RNF38: variants seen among roughly 807,000 people sequenced by gnomAD.
RNF38 encodes ring finger protein 38, also known as E3 ubiquitin-protein ligase RNF38.
In RNF38, 15 loss-of-function variants were observed where a neutral mutation model predicts 67.2. That is an observed-to-expected ratio of 0.22 (90% CI 0.15 to 0.34). The LOEUF is 0.34. RNF38 is among the 10% of genes least tolerant of loss of function. The pLI is 1.00. For missense variants in RNF38, 524 were observed against 639.9 expected (o/e 0.82, Z 1.95); for synonymous variants, 220 against 218.8 (o/e 1.01, Z -0.05).
intron 1 of RNF38, among the ~76,000 whole-genome samples, chr9:36,466,353 C>T (rs944795062): frequency 6.6e-6 from 1 of 152,158 alleles, no homozygotes; most frequent in Admixed American, 6.5e-5. Context: ...ACTGTGAATA[C>T]ACCAAAACCC....
intron 2 of RNF38, among the ~76,000 whole-genome samples, chr9:36,409,492 T>C (rs1320890708): frequency 6.6e-6 from 1 of 152,188 alleles, no homozygotes; most frequent in Non-Finnish European, 1.5e-5. Context: ...AACATTCGAA[T>C]GCTGCAGACC....
At chr9:36,400,500 G>A, upstream of RNF38, 6 of 1,000,398 alleles carry the variant, frequency 6.0e-6, no homozygotes, top group Non-Finnish European at 7.1e-6. Context: ...GCTCTCAACG[G>A]CCCGCAGCCC....
Position 36,338,774 on chromosome 9 carries a change from G to C in RNF38, c.*978C>G, listed in dbSNP as rs1020072081. 6.6e-6 allele frequency: 1 copy of C among 152,138 alleles called. No homozygotes were observed. Among genetic ancestry groups the C allele is most frequent in the African/African-American group, 2.4e-5 (1 of 41,260 alleles). 9.4% of individuals were successfully genotyped at this position (152,138 alleles called of 1,614,324 possible). ...AATCTAAACATTAAAAAAAATCACA[G>C]GTACTTTCTGTAAGAAACTTACTGG... On this transcript the variant is annotated 3_prime_UTR_variant, in exon 12 of 12. Coordinates refer to ENST00000259605, the MANE Select transcript of RNF38 (RefSeq NM_022781.5).
At chr9:36,419,905 T>TA (rs1838574788) in intron 2 of RNF38, among the ~76,000 whole-genome samples, 1 of 151,960 alleles carries the variant, frequency 6.6e-6, no homozygotes, top group South Asian at 2.1e-4. Flanking sequence ...GAATAACAAA[T>TA]AGTCATGAAT....
intron 1 of RNF38, among the ~76,000 whole-genome samples, chr9:36,434,853 T>C (rs1839025560): frequency 6.6e-6 from 1 of 152,226 alleles, no homozygotes; most frequent in Non-Finnish European, 1.5e-5. Flanking sequence ...GCCTTATACA[T>C]TATATCCCAA....
intron 4 of RNF38, among the ~76,000 whole-genome samples, chr9:36,364,404 T>C (rs1834794482): frequency 6.6e-6 from 1 of 152,196 alleles, no homozygotes; most frequent in South Asian, 2.1e-4. Context: ...ATTATATGTG[T>C]ATTTTCAACA....
intron 4 of RNF38, among the ~76,000 whole-genome samples, chr9:36,366,473 A>T (rs1204743448): frequency 1.3e-5 from 2 of 151,718 alleles, no homozygotes; most frequent in South Asian, 4.2e-4. Flanking sequence ...TTCTGGTATT[A>T]AAAAAAATAC....
rs550720801 is a variant in RNF38, at chr9:36,338,892, T to C, written c.*860A>G. On this transcript the variant is annotated 3_prime_UTR_variant, in exon 12 of 12. Coordinates refer to ENST00000259605, the MANE Select transcript of RNF38 (RefSeq NM_022781.5). ...GATATATGATATTGCACCTTCTTTT[T>C]GGAAACAGCAAGTTGGAGATTTAAA... 4.6e-5 allele frequency: 7 copies of C among 152,766 alleles called. No homozygotes were observed. The highest frequency in any genetic ancestry group is 1.0e-4 in the Non-Finnish European group (7 of 68,044). The allele number at this position is 152,766 out of a possible 1,614,324, so 9.5% of individuals were successfully genotyped here.
intron 1 of RNF38, among the ~76,000 whole-genome samples, chr9:36,458,467 T>C (rs1208632634): frequency 2.0e-5 from 3 of 152,198 alleles, no homozygotes; most frequent in Non-Finnish European, 4.4e-5. Context: ...GGGTCTGCAC[T>C]ACCTTTATGA....
chr9:36,399,124 T>A (rs1361956582), intron 1 of RNF38, among the ~76,000 whole-genome samples: 4 of 152,220 alleles, frequency 2.6e-5, no homozygotes, highest in Non-Finnish European at 5.9e-5. Context: ...TTAGGTTATT[T>A]TAGTAGAGAA....
At chr9:36,431,299 A>G (rs907205587) in intron 1 of RNF38, among the ~76,000 whole-genome samples, 2 of 152,240 alleles carry the variant, frequency 1.3e-5, no homozygotes, top group African/African-American at 4.8e-5. Flanking sequence ...CTTAGACAAC[A>G]GGGCATAACC....
At position 36,459,310 on chromosome 9, in the gene RNF38, C is replaced by T. The variant is rs142149587; in HGVS notation, n.241+27998G>A. Reference sequence around the variant, plus strand: ...CTGGGGGAATCTCTAGGGTAAAGGGCCTTTCAGCAAAAACACTCCCTGAAA... The same window carrying T: ...CTGGGGGAATCTCTAGGGTAAAGGGTCTTTCAGCAAAAACACTCCCTGAAA... On this transcript the variant is annotated intron_variant and non_coding_transcript_variant, in intron 1 of 3. Coordinates refer to the RNF38 transcript ENST00000488058. Among the ~76,000 whole-genome samples, 24 of 152,138 alleles carry T rather than the reference C, an allele frequency of 1.6e-4. No homozygotes were observed. The East Asian group carries it at 4.6e-3, about 29-fold the overall frequency.
chr9:36,456,834 GTAGA>G (rs1839606699), intron 1 of RNF38, among the ~76,000 whole-genome samples: 1 of 152,100 alleles, frequency 6.6e-6, no homozygotes. Context: ...TTACTTAATG[GTAGA>G]TATGTTTTAG....
At chr9:36,362,366 G>A (rs1156957516) in intron 4 of RNF38, among the ~76,000 whole-genome samples, 1 of 151,734 alleles carries the variant, frequency 6.6e-6, no homozygotes, top group South Asian at 2.1e-4. Flanking sequence ...CTCGGGGGAG[G>A]GGGGAGAAGG....
At chr9:36,433,811 A>T (rs1186501626) in intron 1 of RNF38, among the ~76,000 whole-genome samples, 1 of 152,208 alleles carries the variant, frequency 6.6e-6, no homozygotes, top group Non-Finnish European at 1.5e-5. Context: ...ATAAAAAGCA[A>T]GAAGTTTGAT....
chr9:36,408,687 A>T (rs1838243654), intron 2 of RNF38, among the ~76,000 whole-genome samples: 1 of 152,132 alleles, frequency 6.6e-6, no homozygotes, highest in Non-Finnish European at 1.5e-5. Flanking sequence ...GGGTCAAAGG[A>T]CTGGCTGGAA....
At chr9:36,433,185 A>G (rs2134269663) in intron 1 of RNF38, among the ~76,000 whole-genome samples, 1 of 152,016 alleles carries the variant, frequency 6.6e-6, no homozygotes, top group South Asian at 2.1e-4. Context: ...GGTACAAAAA[A>G]AAAAAGAGTA....
intron 1 of RNF38, among the ~76,000 whole-genome samples, chr9:36,442,636 C>T (rs1839218105): frequency 1.3e-5 from 2 of 152,014 alleles, no homozygotes; most frequent in Admixed American, 6.6e-5. Flanking sequence ...AAAAATTAGC[C>T]GGGTGTGGTG....
intron 1 of RNF38, among the ~76,000 whole-genome samples, chr9:36,468,998 G>A (rs1021181951): frequency 3.3e-5 from 5 of 152,124 alleles, no homozygotes; most frequent in Admixed American, 3.3e-4. Flanking sequence ...TGTAGTCCCA[G>A]CTACTCAGGA....
Sources: allele counts gnomAD v4.1 joint callset (sites outside exome capture counted in the v4.1 genomes callset), GRCh38; gene constraint gnomAD v4.1.1; transcripts MANE v1.5; gene names NCBI Gene and HGNC (gene_info 2026-07-23, HGNC 2026-07-21).